PDSS2: variants seen among roughly 807,000 people sequenced by gnomAD.
PDSS2 encodes decaprenyl diphosphate synthase subunit 2.
In PDSS2, 31 loss-of-function variants were observed where a neutral mutation model predicts 44.5. The ratio of observed to expected loss-of-function variants is 0.70; its 90% CI spans 0.52 to 0.94. The LOEUF is 0.94. Among genes scored for constraint, PDSS2 ranks in the 40% least tolerant of loss-of-function variants. The pLI is 0.00. For synonymous variants in PDSS2, 157 were observed against 180.3 expected, an observed-to-expected ratio of 0.87 and a Z score of 1.03; for missense variants, 452 against 482.2, an observed-to-expected ratio of 0.94 and a Z score of 0.59.
chr6:107,258,586 G>GACC (rs1775105064), intron 3 of PDSS2, among the ~76,000 whole-genome samples: 1 of 152,204 alleles, frequency 6.6e-6, no homozygotes, highest in Admixed American at 6.5e-5. Flanking sequence ...CAGATCACCT[G>GACC]AGGTCAGGAG....
At chr6:107,278,328 T>C (rs1247135118) in intron 2 of PDSS2, among the ~76,000 whole-genome samples, 1 of 152,178 alleles carries the variant, frequency 6.6e-6, no homozygotes, top group East Asian at 1.9e-4. Context: ...TGGAGACTTA[T>C]AAGACAGTTG....
chr6:107,186,859 C>T (rs992053051), intron 7 of PDSS2, among the ~76,000 whole-genome samples: 4 of 152,154 alleles, frequency 2.6e-5, no homozygotes, highest in African/African-American at 9.7e-5. Flanking sequence ...TTTGAGTTTA[C>T]AAATACCTAT....
At chr6:107,206,996 G>GT (rs200710467) in intron 6 of PDSS2, among the ~76,000 whole-genome samples, 3,917 of 142,248 alleles carry the variant, frequency 0.028, 116 homozygotes, top group African/African-American at 0.076. Context: ...TGCTATTATT[G>GT]TTTTTTTTTT....
intron 4 of PDSS2, among the ~76,000 whole-genome samples, chr6:107,228,078 G>T (rs1773895671): frequency 2.0e-5 from 3 of 152,066 alleles, no homozygotes; most frequent in Admixed American, 2.0e-4. Flanking sequence ...TATCTCTCAG[G>T]CAAATAAACT....
intron 1 of PDSS2, among the ~76,000 whole-genome samples, chr6:107,356,792 C>T (rs569895971): frequency 1.1e-3 from 164 of 152,118 alleles, no homozygotes; most frequent in South Asian, 5.0e-3. Flanking sequence ...GAAAATAAAC[C>T]ATGACAATAC....
chr6:107,207,037 GGCTCGAGT>G (rs957443602), intron 6 of PDSS2, among the ~76,000 whole-genome samples: 2 of 151,198 alleles, frequency 1.3e-5, no homozygotes, highest in Admixed American at 6.6e-5. Context: ...CTATCGCCCA[GGCTCGAGT>G]GCAGTGGCGC....
intron 7 of PDSS2, among the ~76,000 whole-genome samples, chr6:107,170,606 A>ACCC (rs201361243): frequency 4.1e-5 from 4 of 96,588 alleles, no homozygotes; most frequent in East Asian, 3.5e-4. Flanking sequence ...TCTTGGAACC[A>ACCC]CCCCCCCCCC....
intron 4 of PDSS2, among the ~76,000 whole-genome samples, chr6:107,238,280 T>C (rs1774297517): frequency 6.6e-6 from 1 of 152,050 alleles, no homozygotes; most frequent in Non-Finnish European, 1.5e-5. Flanking sequence ...GGGTGGAAAA[T>C]AAACAATAAA....
rs572423426 is a variant in PDSS2 at position 107,386,342 on chromosome 6, T to C, written c.297-52010A>G. ...TATTAAAAAGTAACTTCATGTTTAT[T>C]AGATGTAAATAGTTTTACATTGTAT... is the stretch of plus-strand genomic sequence containing the variant. On this transcript the variant is annotated intron_variant, in intron 1 of 7. Transcript: ENST00000369037. Among the ~76,000 whole-genome samples, 9 of 150,844 alleles carry C rather than the reference T, an allele frequency of 6.0e-5. No individual in the cohort carries two copies. The South Asian group carries it at 1.9e-3, about 32-fold the overall frequency.
At chr6:107,353,461 C>T (rs1350676989) in intron 1 of PDSS2, among the ~76,000 whole-genome samples, 1 of 152,088 alleles carries the variant, frequency 6.6e-6, no homozygotes, top group Admixed American at 6.5e-5. Flanking sequence ...AATTACTCTC[C>T]TTCTGTAATT....
chr6:107,362,317 AC>A (rs1778805065), intron 1 of PDSS2, among the ~76,000 whole-genome samples: 1 of 152,232 alleles, frequency 6.6e-6, no homozygotes, highest in African/African-American at 2.4e-5. Flanking sequence ...CGAAGCTCAC[AC>A]ACAGATCCAT....
intron 4 of PDSS2, among the ~76,000 whole-genome samples, chr6:107,240,267 G>C (rs570193716): frequency 2.6e-5 from 4 of 152,180 alleles, no homozygotes; most frequent in Admixed American, 6.5e-5. Flanking sequence ...AAATTAGACA[G>C]GTGTGGTGGT....
intron 7 of PDSS2, among the ~76,000 whole-genome samples, chr6:107,183,997 C>T (rs1772077494): frequency 7.6e-6 from 1 of 132,356 alleles, no homozygotes; most frequent in Non-Finnish European, 1.6e-5. Context: ...TAAACTCTGT[C>T]TCAAAACAAA....
chr6:107,262,877 C>T (rs1282807135), intron 3 of PDSS2, among the ~76,000 whole-genome samples: 1 of 152,162 alleles, frequency 6.6e-6, no homozygotes, highest in Non-Finnish European at 1.5e-5. Flanking sequence ...GAGTTCAACA[C>T]TGGCCTGGGC....
At chr6:107,429,925 TATATATATATATAC>T (rs1562534362) in intron 1 of PDSS2, among the ~76,000 whole-genome samples, 1 of 106,926 alleles carries the variant, frequency 9.4e-6, no homozygotes, top group Non-Finnish European at 1.8e-5. Context: ...TATATATATA[TATATATATATATAC>T]ACCAAACCCA....
chr6:107,422,045 T>TA (rs1192743246), intron 1 of PDSS2, among the ~76,000 whole-genome samples: 1 of 138,444 alleles, frequency 7.2e-6, no homozygotes, highest in African/African-American at 2.7e-5. Flanking sequence ...ATAAAAAGGT[T>TA]AAAAAAAACT....
intron 6 of PDSS2, among the ~76,000 whole-genome samples, chr6:107,201,113 A>G (rs943545603): frequency 1.3e-5 from 2 of 152,140 alleles, no homozygotes; most frequent in Admixed American, 6.6e-5. Context: ...ATTCTACCAT[A>G]CACAGCAATT....
intron 2 of PDSS2, among the ~76,000 whole-genome samples, chr6:107,309,053 A>T (rs1776951251): frequency 6.6e-6 from 1 of 152,374 alleles, no homozygotes; most frequent in Admixed American, 6.5e-5. Context: ...TGGATAAATT[A>T]AGGAGAAAAA....
At chr6:107,238,335 G>C (rs559062056) in intron 4 of PDSS2, among the ~76,000 whole-genome samples, 2 of 152,286 alleles carry the variant, frequency 1.3e-5, no homozygotes, top group Admixed American at 6.5e-5. Context: ...TCACCCCCAG[G>C]TTTGATGATT....
Sources: gnomAD v4.1 joint callset for allele counts (sites outside exome capture counted in the v4.1 genomes callset) on GRCh38, gnomAD v4.1.1 for gene constraint, MANE v1.5 for transcripts, NCBI Gene and HGNC (gene_info 2026-07-23, HGNC 2026-07-21) for gene names.